The following RBM5 variants were observed in gnomAD, a reference collection of about 807,000 sequenced individuals.
RBM5 encodes the protein RNA binding motif protein 5, also known as RNA-binding protein 5.
Under a neutral mutation model 124.6 loss-of-function variants are expected in RBM5, and 15 were observed. That is an observed-to-expected ratio of 0.12 (90% CI 0.08 to 0.19). The LOEUF is 0.19. Among genes scored for constraint, RBM5 ranks in the 10% least tolerant of loss-of-function variants. The pLI, the probability that RBM5 is intolerant of heterozygous loss-of-function variation, is 1.00. For missense variants in RBM5, 580 were observed against 1,026.5 expected (o/e 0.57, Z 5.94); for synonymous variants, 337 against 361.2 (o/e 0.93, Z 0.76).
chr3:50,109,580 C>T, intron 14 of RBM5, 23 bp from the exon 15 acceptor site: 1 of 1,607,182 alleles, frequency 6.2e-7, no homozygotes, highest in Non-Finnish European at 8.5e-7. Context: ...TTGGCTTTCC[C>T]TAACACTTGT....
chr3:50,117,693 A>G lies in RBM5; in HGVS notation c.2322+314A>G, dbSNP rs1267021556. On this transcript the variant is annotated intron_variant, in intron 24 of 24. Coordinates refer to ENST00000347869, the MANE Select transcript of RBM5 (RefSeq NM_005778.4). This position sits in a 1 kb window ranked among gnomAD's most constrained non-coding sequence, Gnocchi z 4.2. ...CTAGTCAGGAAGCTGAGGCAGGAGA[A>G]TTGCTAGAACCTGGCAGGAGGAGGT... 3 of 222,678 alleles carry G rather than the reference A, an allele frequency of 1.3e-5. No individual in the cohort carries two copies. The highest frequency in any genetic ancestry group is 2.7e-5 in the Non-Finnish European group (3 of 110,352). The allele number at this position is 222,678 out of a possible 1,614,324, so 13.8% of individuals were successfully genotyped here.
intron 4 of RBM5, among the ~76,000 whole-genome samples, chr3:50,096,594 A>G (rs1417106287): frequency 1.3e-5 from 2 of 151,706 alleles, no homozygotes; most frequent in East Asian, 1.9e-4. Flanking sequence ...GGAATCTTCT[A>G]TTTTTATTTT....
Position 50,106,750 on chromosome 3 carries a change from T to C in RBM5, c.856-17T>C, listed in dbSNP as rs753632340. 1 of 1,561,622 alleles carries C rather than the reference T, an allele frequency of 6.4e-7. No individual in the cohort carries two copies. Among genetic ancestry groups the C allele is most frequent in the South Asian group, 1.1e-5 (1 of 89,676 alleles). ...TTAATTGCATTACACGTTTTTTTCC[T>C]TCACATTCTCCTTCAGGATGCTTCT... On this transcript the variant is annotated splice_polypyrimidine_tract_variant and intron_variant, in intron 10 of 24. Coordinates refer to ENST00000347869, the MANE Select transcript of RBM5 (RefSeq NM_005778.4).
At chr3:50,102,743 CT>C in intron 6 of RBM5, 1 of 274,652 alleles carries the variant, frequency 3.6e-6, no homozygotes, top group South Asian at 4.2e-5. Context: ...AGAATTGTGT[CT>C]TCTGCTTTTT....
rs138796501 is a variant in RBM5, at chr3:50,107,491, C to G, written c.963C>G (p.Val321=). 4.2e-4 allele frequency: 677 copies of G among 1,600,058 alleles called. 1 individual carries two copies. Among genetic ancestry groups the G allele is most frequent in the Non-Finnish European group, 4.8e-4 (566 of 1,167,630 alleles). Reference sequence around the variant, plus strand: ...ATCTTTGTGGTTTCAGAGACTTGGTCCTCTCAGATGGTAACCGCGTCAGCG... The same window carrying G: ...ATCTTTGTGGTTTCAGAGACTTGGTGCTCTCAGATGGTAACCGCGTCAGCG... ...DFAKSARKDL[V]LSDGNRVSAF... Residue 321 remains valine, a synonymous_variant, in exon 12 of 25, where the codon GTC becomes GTG. Coordinates refer to ENST00000347869, the MANE Select transcript of RBM5 (RefSeq NM_005778.4).
chr3:50,106,270 A>C (rs1222054364), intron 10 of RBM5, among the ~76,000 whole-genome samples: 2 of 151,594 alleles, frequency 1.3e-5, no homozygotes, highest in Non-Finnish European at 2.9e-5. Flanking sequence ...CCTCCTGAGT[A>C]TCTGGGATTA....
chr3:50,109,414 G>GTA (rs1426167075), intron 14 of RBM5, among the ~76,000 whole-genome samples, 189 bp from the exon 15 acceptor site: 2 of 152,018 alleles, frequency 1.3e-5, no homozygotes, highest in East Asian at 3.9e-4. Context: ...CCTTAACTTT[G>GTA]TATATCACAT....
intron 4 of RBM5, 138 bp downstream of exon 4, chr3:50,094,013 G>T: frequency 1.1e-6 from 1 of 872,224 alleles, no homozygotes; most frequent in Non-Finnish European, 1.7e-6. Context: ...CTTGGGACCA[G>T]AACTGTTTTG....
intron 3 of RBM5, 90 bp downstream of exon 3, chr3:50,092,298 C>G (rs575034250): frequency 7.1e-7 from 1 of 1,402,634 alleles, no homozygotes; most frequent in African/African-American, 1.4e-5. Context: ...CCAGTGGCCC[C>G]TTCCCATAAT....
In RBM5 at chr3:50,106,740, GT is replaced by G. The variant is rs773120581; in HGVS notation, c.856-20del. 5 of 1,505,628 alleles carry G rather than the reference GT, an allele frequency of 3.3e-6. No homozygotes were observed. Among genetic ancestry groups the G allele is most frequent in the East Asian group, 4.5e-5 (2 of 44,350 alleles). The allele number at this position is 1,505,628 out of a possible 1,614,324, so 93.3% of individuals were successfully genotyped here. On this transcript the variant is annotated intron_variant, in intron 10 of 24. Coordinates refer to ENST00000347869, the MANE Select transcript of RBM5 (RefSeq NM_005778.4). ...GGAGAGATTTTTAATTGCATTACAC[GT>G]TTTTTTCCTTCACATTCTCCTTCAG...
intron 3 of RBM5, chr3:50,093,046 C>T (rs879606858): frequency 4.7e-5 from 9 of 191,102 alleles, no homozygotes; most frequent in East Asian, 1.5e-4. Context: ...GGCTGAGGTA[C>T]GAGAATTGCT....
chr3:50,099,735 A>G (rs1273247940), intron 4 of RBM5: 9 of 294,622 alleles, frequency 3.1e-5, no homozygotes, highest in African/African-American at 4.5e-5. Flanking sequence ...GGTGGTGCAC[A>G]CCTATAATCC....
At chr3:50,110,809 A>T in intron 17 of RBM5, 39 bp downstream of exon 17, 2 of 1,476,596 alleles carry the variant, frequency 1.4e-6, no homozygotes, top group Non-Finnish European at 1.9e-6. Flanking sequence ...CACTAGAAGT[A>T]GTTTCGCTTA....
chr3:50,114,030 T>C lies in RBM5; in HGVS notation c.1698T>C (p.Asn566=), dbSNP rs745486851. 25 of 1,614,098 alleles carry C rather than the reference T, an allele frequency of 1.5e-5. No homozygotes were observed. Among genetic ancestry groups the C allele is most frequent in the Non-Finnish European group, 2.1e-5 (25 of 1,180,052 alleles). Residue 566 remains asparagine (N), a synonymous_variant, in exon 19 of 25, where the codon AAT becomes AAC. Transcript: ENST00000347869. ...ENFKNSFQPV[N]SLREEERRES... is the part of the protein sequence containing the mutation. The stretch of plus-strand genomic sequence containing the variant: ...TTAAAAATAGCTTTCAGCCTGTCAA[T>C]TCCTTGAGGGAAGAAGAAAGGAGAG...
intron 8 of RBM5, 27 bp from the exon 9 acceptor site, chr3:50,105,050 C>T: frequency 2.0e-6 from 3 of 1,491,776 alleles, no homozygotes; most frequent in Non-Finnish European, 1.9e-6. Flanking sequence ...AGTTGTTTGT[C>T]TCTAATTGGA....
chr3:50,104,581 T>G, intron 8 of RBM5: 1 of 418,586 alleles, frequency 2.4e-6, no homozygotes, highest in Non-Finnish European at 4.4e-6. Flanking sequence ...AGTTGAAGGC[T>G]GCAGTGAGCT....
rs1185962629 is a variant in RBM5 at position 50,100,450 on chromosome 3, G to A, written c.410-82G>A. The A allele has an allele frequency of 8.3e-6, 10 of 1,201,274 alleles. No homozygotes were observed. Among genetic ancestry groups the A allele is most frequent in the Non-Finnish European group, 1.2e-5 (10 of 815,730 alleles). 74.4% of individuals were successfully genotyped at this position (1,201,274 alleles called of 1,614,324 possible). ...CCAATTGGCTTTGTCACGCAGTGTT[G>A]AAGCAGTGGGAGAGAGATTCACCTG... On this transcript the variant is annotated intron_variant, in intron 5 of 24. Coordinates refer to ENST00000347869, the MANE Select transcript of RBM5 (RefSeq NM_005778.4). This position sits in a 1 kb window ranked among gnomAD's most constrained non-coding sequence, Gnocchi z 5.1.
At chr3:50,105,474 G>T in intron 9 of RBM5, 75 bp from the exon 10 acceptor site, 2 of 1,445,152 alleles carry the variant, frequency 1.4e-6, no homozygotes, top group South Asian at 2.5e-5. Context: ...GTATGTACTT[G>T]ACCCTATCTT....
chr3:50,091,074 C>G (rs941057979), intron 2 of RBM5, among the ~76,000 whole-genome samples: 1 of 152,226 alleles, frequency 6.6e-6, no homozygotes, highest in Non-Finnish European at 1.5e-5. Context: ...TAAACACACA[C>G]CCTTATTCAG....
Sources: gnomAD v4.1 joint callset for allele counts (sites outside exome capture counted in the v4.1 genomes callset) on GRCh38, gnomAD v4.1.1 for gene constraint, Gnocchi (gnomAD v3.1) non-coding constraint, MANE v1.5 for transcripts, NCBI Gene and HGNC (gene_info 2026-07-23, HGNC 2026-07-21) for gene names.